Variants in ADGRL3 observed in about 807,000 individuals in gnomAD.
ADGRL3 encodes the protein adhesion G protein-coupled receptor L3.
In ADGRL3, 62 loss-of-function variants were observed where a neutral mutation model predicts 153.5. The observed-to-expected ratio is 0.40, with a 90% CI of 0.33 to 0.50. ADGRL3 has a LOEUF of 0.50. ADGRL3 is among the 20% of genes least tolerant of loss of function. The pLI is 0.47. For missense variants in ADGRL3, 1,641 were observed against 1,859.4 expected (o/e 0.88, Z 2.16); for synonymous variants, 710 against 672.5 (o/e 1.06, Z -0.86).
intron 2 of ADGRL3, among the ~76,000 whole-genome samples, chr4:61,471,122 T>G (rs925206857): frequency 1.3e-5 from 2 of 151,856 alleles, no homozygotes; most frequent in Non-Finnish European, 2.9e-5. Context: ...CCTTTGGAAT[T>G]ATTTCACAAA....
At chr4:61,852,826 ATTTAT>A (rs1248849847) in intron 9 of ADGRL3, among the ~76,000 whole-genome samples, 1 of 151,098 alleles carries the variant, frequency 6.6e-6, no homozygotes, top group Admixed American at 6.6e-5. Flanking sequence ...TTATTTATTT[ATTTAT>A]TTATTTATTT....
At position 61,775,873 on chromosome 4, in the gene ADGRL3, C is replaced by A. The variant is rs577958815; in HGVS notation, c.1400-37936C>A. 1.4e-5 allele frequency: 6 copies of A among 421,922 alleles called. No individual in the cohort carries two copies. The East Asian group carries it at 1.9e-4, about 13-fold the overall frequency. 26.1% of individuals were successfully genotyped at this position (421,922 alleles called of 1,614,324 possible). A position where few individuals can be genotyped will look rare whatever the true frequency, so the allele number is the denominator to read the frequency against. ...CATGGCGGTGGGTTACCGGTGAAGA[C>A]GAATCTTGTTTTTATTTATTTATTT... On this transcript the variant is annotated intron_variant, in intron 8 of 26. Coordinates refer to ENST00000683033, the MANE Select transcript of ADGRL3 (RefSeq NM_001387552.1).
chr4:62,049,728 A>G lies in ADGRL3; in HGVS notation c.3814+5179A>G, dbSNP rs1733108784. Among the ~76,000 whole-genome samples, 3 of 152,140 alleles carry G rather than the reference A, an allele frequency of 2.0e-5. No homozygotes were observed. The South Asian group carries it at 6.2e-4, about 31-fold the overall frequency. On this transcript the variant is annotated intron_variant, in intron 25 of 26. Transcript: ENST00000683033. ...CAGAGGGGAAAGATGCTGCTATCAA[A>G]TAGATATTTGCAAGTAGTTGACCTA...
chr4:61,398,667 A>G lies in ADGRL3; in HGVS notation c.-174+15478A>G, dbSNP rs190848801. Among the ~76,000 whole-genome samples the G allele has an allele frequency of 3.9e-3, 584 of 151,168 alleles. 3 individuals are homozygous for G. Among genetic ancestry groups the G allele is most frequent in the Non-Finnish European group, 6.1e-3 (413 of 67,468 alleles). On this transcript the variant is annotated intron_variant, in intron 2 of 26. Coordinates refer to ENST00000683033, the MANE Select transcript of ADGRL3 (RefSeq NM_001387552.1). ...GTTTTTTTATCCTCCCACTTCACTT[A>G]TGGAACCTCTGGTTTACAATGTCTT...
At chr4:61,432,930 G>C (rs1487861728) in intron 2 of ADGRL3, among the ~76,000 whole-genome samples, 10 of 151,584 alleles carry the variant, frequency 6.6e-5, no homozygotes, top group Admixed American at 6.6e-4. Context: ...TGGGATTACA[G>C]GTGTGAGCCA....
chr4:61,683,790 C>T (rs1235000962), intron 6 of ADGRL3, among the ~76,000 whole-genome samples: 2 of 152,032 alleles, frequency 1.3e-5, no homozygotes, highest in South Asian at 4.1e-4. Flanking sequence ...GGGGACCCAC[C>T]CCTATCTGCC....
chr4:61,256,354 T>C (rs2091966755), intron 1 of ADGRL3, among the ~76,000 whole-genome samples: 1 of 152,200 alleles, frequency 6.6e-6, no homozygotes, highest in African/African-American at 2.4e-5. Context: ...TGATTTAAAC[T>C]GTAGCAGCAT....
At chr4:61,987,139 ATTTTATTTTATTTATTTTATTTTAT>A (rs1372949250) in intron 19 of ADGRL3, among the ~76,000 whole-genome samples, 1 of 69,710 alleles carries the variant, frequency 1.4e-5, no homozygotes, top group African/African-American at 3.9e-5. Context: ...ATTTTATTTT[ATTTTATTTTATTTATTTTATTTTAT>A]TTTATTTTAT....
chr4:61,998,284 T>A lies in ADGRL3; in HGVS notation c.3395+19T>A. 7.3e-7 allele frequency: 1 copy of A among 1,364,670 alleles called. No individual in the cohort carries two copies. The highest frequency in any genetic ancestry group is 1.0e-6 in the Non-Finnish European group (1 of 989,812). 84.5% of individuals were successfully genotyped at this position (1,364,670 alleles called of 1,614,324 possible). A position where few individuals can be genotyped will look rare whatever the true frequency, so the allele number is the denominator to read the frequency against. On this transcript the variant is annotated intron_variant, in intron 21 of 26. Transcript: ENST00000683033. ...ACATCAAGTAAGTGATTTTTATTTTTGTTTTCTATAGGTTGTGTTACATTT... is the reference window on the plus strand; with the variant it reads ...ACATCAAGTAAGTGATTTTTATTTTAGTTTTCTATAGGTTGTGTTACATTT...
chr4:61,241,706 A>T (rs1560378655), intron 1 of ADGRL3, among the ~76,000 whole-genome samples: 1 of 152,030 alleles, frequency 6.6e-6, no homozygotes, highest in East Asian at 1.9e-4. Context: ...TTACAACTTA[A>T]TGTATAAACC....
At chr4:61,457,691 C>A (rs2097768870) in intron 2 of ADGRL3, among the ~76,000 whole-genome samples, 1 of 151,786 alleles carries the variant, frequency 6.6e-6, no homozygotes, top group Admixed American at 6.6e-5. Flanking sequence ...AGGATTCATG[C>A]CTTCTGTCTT....
At chr4:61,443,626 T>C (rs2097549585) in intron 2 of ADGRL3, among the ~76,000 whole-genome samples, 1 of 151,966 alleles carries the variant, frequency 6.6e-6, no homozygotes, top group African/African-American at 2.4e-5. Flanking sequence ...TGTGTTTATG[T>C]TTTTTTTATT....
chr4:61,942,620 TG>T (rs2098903731), intron 15 of ADGRL3, among the ~76,000 whole-genome samples: 1 of 8,842 alleles, frequency 1.1e-4, no homozygotes, highest in Non-Finnish European at 1.8e-4. Context: ...AGCCTATTAT[TG>T]GTCTATTCAG....
chr4:61,567,717 CAACCCTAAATAA>C (rs577388750), intron 4 of ADGRL3, among the ~76,000 whole-genome samples: 193 of 152,266 alleles, frequency 1.3e-3, no homozygotes, highest in African/African-American at 4.4e-3. Flanking sequence ...TTCCTCCAAA[CAACCCTAAATAA>C]AACTACTAAA....
chr4:61,210,347 A>G (rs993723506), intron 1 of ADGRL3, among the ~76,000 whole-genome samples: 2 of 152,108 alleles, frequency 1.3e-5, no homozygotes, highest in Admixed American at 6.5e-5. Flanking sequence ...CATCCCGCAG[A>G]GGCAGAGTGT....
chr4:61,377,424 T>C (rs2096617093), intron 1 of ADGRL3, among the ~76,000 whole-genome samples: 1 of 152,098 alleles, frequency 6.6e-6, no homozygotes, highest in Non-Finnish European at 1.5e-5. Context: ...TTTCCCCTAA[T>C]AATAACCTGT....
intron 1 of ADGRL3, among the ~76,000 whole-genome samples, chr4:61,367,574 T>C (rs1394569179): frequency 6.6e-6 from 1 of 150,742 alleles, no homozygotes; most frequent in African/African-American, 2.4e-5. Context: ...AACTCATCAT[T>C]TTTTATGGCT....
chr4:62,024,929 C>A (rs369184259), intron 21 of ADGRL3, among the ~76,000 whole-genome samples: 1,721 of 118,128 alleles, frequency 0.015, no homozygotes, highest in Middle Eastern at 0.024. Flanking sequence ...GACTCCGTCT[C>A]AAAAAAAAAA....
At chr4:61,395,903 T>A (rs1297150584) in intron 2 of ADGRL3, among the ~76,000 whole-genome samples, 1 of 151,910 alleles carries the variant, frequency 6.6e-6, no homozygotes, top group Admixed American at 6.6e-5. Context: ...ACGCACAGAT[T>A]TGTTATCCCA....
Sources: allele counts gnomAD v4.1 joint callset (sites outside exome capture counted in the v4.1 genomes callset), GRCh38; gene constraint gnomAD v4.1.1; transcripts MANE v1.5; gene names NCBI Gene and HGNC (gene_info 2026-07-23, HGNC 2026-07-21).